The following MAPKAPK2 variants were observed in gnomAD, a reference collection of about 807,000 sequenced individuals.
MAPKAPK2 encodes the protein MAPK activated protein kinase 2.
MAPKAPK2 carries 9 observed loss-of-function variants against 48.8 expected under a neutral mutation model. The ratio of observed to expected loss-of-function variants is 0.18; its 90% CI spans 0.11 to 0.32. The LOEUF (loss-of-function observed/expected upper bound fraction) is 0.32, where lower values mean the gene tolerates loss of function less well. Ranked by LOEUF, MAPKAPK2 falls within the 10% of genes least tolerant of loss-of-function variation. The pLI is 1.00. For missense variants in MAPKAPK2, 331 were observed against 498.3 expected, an observed-to-expected ratio of 0.66 and a Z score of 3.20; for synonymous variants, 202 against 190.6, an observed-to-expected ratio of 1.06 and a Z score of -0.49.
At chr1:206,688,372 C>G (rs1337544100) in intron 1 of MAPKAPK2, among the ~76,000 whole-genome samples, 2 of 152,174 alleles carry the variant, frequency 1.3e-5, no homozygotes, top group African/African-American at 4.8e-5. Context: ...GAGCCACGGG[C>G]TCAGGCACAT....
chr1:206,715,370 C>T (rs1572501862), intron 1 of MAPKAPK2, among the ~76,000 whole-genome samples: 3 of 152,210 alleles, frequency 2.0e-5, no homozygotes, highest in African/African-American at 7.2e-5. Context: ...TCCCTTCGGG[C>T]CTGTCCTGGC....
intron 1 of MAPKAPK2, among the ~76,000 whole-genome samples, chr1:206,713,732 G>A (rs1023997143): frequency 9.9e-5 from 15 of 152,188 alleles, no homozygotes; most frequent in Non-Finnish European, 4.4e-5. Flanking sequence ...CAGGCGTGGT[G>A]GTGTATGTCT....
Position 206,732,177 on chromosome 1 carries a change from C to A in MAPKAPK2, c.1059+258C>A. On this transcript the variant is annotated intron_variant, in intron 9 of 9. Coordinates refer to ENST00000367103, the MANE Select transcript of MAPKAPK2 (RefSeq NM_032960.4). The surrounding 1 kb of genome is among the most constrained non-coding windows in gnomAD (Gnocchi z 4.4). ...TGGGTCTCTAATGGGACCTTAAAGA[C>A]CATCTGGTATCATCTTCTCATTTTG... 6.2e-7 allele frequency: 1 copy of A among 1,602,108 alleles called. No individual in the cohort carries two copies. The highest frequency in any genetic ancestry group is 1.1e-5 in the South Asian group (1 of 90,636).
intron 1 of MAPKAPK2, among the ~76,000 whole-genome samples, chr1:206,690,249 C>T (rs1294268493): frequency 6.6e-6 from 1 of 152,208 alleles, no homozygotes; most frequent in Admixed American, 6.5e-5. Flanking sequence ...GAGATCCTGT[C>T]CCTCCTGGCC....
intron 1 of MAPKAPK2, among the ~76,000 whole-genome samples, chr1:206,703,380 G>A (rs1185535437): frequency 6.6e-6 from 1 of 152,238 alleles, no homozygotes; most frequent in Non-Finnish European, 1.5e-5. Context: ...GCCTTGAGAA[G>A]AGTTCAGGGG....
At chr1:206,708,474 A>G (rs964915275) in intron 1 of MAPKAPK2, among the ~76,000 whole-genome samples, 1 of 152,204 alleles carries the variant, frequency 6.6e-6, no homozygotes, top group African/African-American at 2.4e-5. Context: ...ACGTGTTTCA[A>G]TCTCTCTATC....
At chr1:206,722,439 G>A (rs1553431339) in intron 1 of MAPKAPK2, among the ~76,000 whole-genome samples, 2 of 152,148 alleles carry the variant, frequency 1.3e-5, no homozygotes, top group Admixed American at 1.3e-4. Context: ...TTAAATAATA[G>A]CCTACTGTTG....
At chr1:206,690,617 G>A (rs1393805214) in intron 1 of MAPKAPK2, among the ~76,000 whole-genome samples, 1 of 152,222 alleles carries the variant, frequency 6.6e-6, no homozygotes, top group Non-Finnish European at 1.5e-5. Context: ...GGGATTGGGA[G>A]GAGGGCCTGG....
chr1:206,690,143 A>G (rs1672412412), intron 1 of MAPKAPK2, among the ~76,000 whole-genome samples: 1 of 152,214 alleles, frequency 6.6e-6, no homozygotes, highest in Non-Finnish European at 1.5e-5. Context: ...AGCAGGCTTT[A>G]AAGTGTTTGA....
chr1:206,702,206 A>G (rs1672819008), intron 1 of MAPKAPK2, among the ~76,000 whole-genome samples: 1 of 152,160 alleles, frequency 6.6e-6, no homozygotes, highest in Non-Finnish European at 1.5e-5. Context: ...GAATCTTGAG[A>G]TTTGGTTCTT....
chr1:206,711,343 G>A (rs1290899977), intron 1 of MAPKAPK2, among the ~76,000 whole-genome samples: 1 of 152,092 alleles, frequency 6.6e-6, no homozygotes, highest in East Asian at 1.9e-4. Context: ...TCCACCTCTC[G>A]GAGTTCAAGT....
chr1:206,705,574 A>G (rs1028667476), intron 1 of MAPKAPK2, among the ~76,000 whole-genome samples: 2 of 152,084 alleles, frequency 1.3e-5, no homozygotes, highest in East Asian at 1.9e-4. Flanking sequence ...GATGGGTGCA[A>G]TTGTGTTGAC....
At chr1:206,688,976 G>C (rs567618933) in intron 1 of MAPKAPK2, among the ~76,000 whole-genome samples, 1 of 152,100 alleles carries the variant, frequency 6.6e-6, no homozygotes, top group Non-Finnish European at 1.5e-5. Context: ...CAACCCACTT[G>C]TGTATTAATT....
chr1:206,711,607 CTTTTT>C (rs781793889), intron 1 of MAPKAPK2, among the ~76,000 whole-genome samples: 1 of 115,504 alleles, frequency 8.7e-6, no homozygotes, highest in Non-Finnish European at 1.7e-5. Flanking sequence ...CTACCTCATT[CTTTTT>C]TTTTTTTTTT....
chr1:206,697,089 TCTC>T (rs1398930017), intron 1 of MAPKAPK2, among the ~76,000 whole-genome samples: 1 of 152,226 alleles, frequency 6.6e-6, no homozygotes, highest in African/African-American at 2.4e-5. Flanking sequence ...CATTGATGCC[TCTC>T]CTCCTTCTCC....
chr1:206,695,616 C>T (rs1257428072), intron 1 of MAPKAPK2, among the ~76,000 whole-genome samples: 1 of 151,996 alleles, frequency 6.6e-6, no homozygotes, highest in Non-Finnish European at 1.5e-5. Flanking sequence ...TCTATATCTA[C>T]CTTTTCCACC....
chr1:206,692,129 T>C (rs1361647813), intron 1 of MAPKAPK2, among the ~76,000 whole-genome samples: 1 of 152,220 alleles, frequency 6.6e-6, no homozygotes, highest in Non-Finnish European at 1.5e-5. Context: ...GGCTGTTCCC[T>C]GTGCACAGGG....
At chr1:206,702,110 T>G (rs929787062) in intron 1 of MAPKAPK2, among the ~76,000 whole-genome samples, 1 of 152,340 alleles carries the variant, frequency 6.6e-6, no homozygotes, top group Non-Finnish European at 1.5e-5. Context: ...GTGCTTAAAT[T>G]CTTCCAATGG....
chr1:206,730,155 T>G (rs895905004), intron 5 of MAPKAPK2, 57 bp downstream of exon 5: 17 of 1,604,316 alleles, frequency 1.1e-5, no homozygotes, highest in Admixed American at 1.7e-5. Context: ...TCTCAGCCCC[T>G]CCTCTTGGCT....
Sources: allele counts gnomAD v4.1 joint callset (sites outside exome capture counted in the v4.1 genomes callset), GRCh38; gene constraint gnomAD v4.1.1; non-coding constraint Gnocchi (gnomAD v3.1); transcripts MANE v1.5; gene names NCBI Gene and HGNC (gene_info 2026-07-23, HGNC 2026-07-21).